The following TRABD2B variants were observed in gnomAD, a reference collection of about 807,000 sequenced individuals.
TRABD2B encodes TraB domain containing 2B, also known as metalloprotease TIKI2.
Under a neutral mutation model 40.1 loss-of-function variants are expected in TRABD2B, and 14 were observed. The observed-to-expected ratio is 0.35, with a 90% CI of 0.23 to 0.55. The LOEUF (loss-of-function observed/expected upper bound fraction) is 0.55. Among genes scored for constraint, TRABD2B ranks in the 20% least tolerant of loss-of-function variants. The pLI is 0.90. For synonymous variants in TRABD2B, 263 were observed against 277.0 expected, an observed-to-expected ratio of 0.95 and a Z score of 0.50; for missense variants, 541 against 648.6, an observed-to-expected ratio of 0.83 and a Z score of 1.80.
chr1:47,789,318 T>C (rs949045426), intron 4 of TRABD2B, among the ~76,000 whole-genome samples: 1 of 152,148 alleles, frequency 6.6e-6, no homozygotes, highest in Non-Finnish European at 1.5e-5. Flanking sequence ...TGGGCCCTCA[T>C]TGCAGTCAGC....
At chr1:47,895,802 TGAG>T (rs1379964412) in intron 2 of TRABD2B, among the ~76,000 whole-genome samples, 1 of 152,234 alleles carries the variant, frequency 6.6e-6, no homozygotes, top group Non-Finnish European at 1.5e-5. Context: ...GTCGCACTGC[TGAG>T]GAGGGAGGGG....
intron 2 of TRABD2B, among the ~76,000 whole-genome samples, chr1:47,857,492 G>A (rs141678017): frequency 8.1e-4 from 123 of 152,230 alleles, no homozygotes; most frequent in Non-Finnish European, 8.4e-4. Flanking sequence ...CCCTGATCCC[G>A]TGAGCAAGGG....
intron 4 of TRABD2B, among the ~76,000 whole-genome samples, chr1:47,782,762 G>A (rs1205307643): frequency 6.6e-6 from 1 of 152,144 alleles, no homozygotes; most frequent in African/African-American, 2.4e-5. Context: ...CAGGAACCAT[G>A]CTTGCCTCCA....
rs116779366 is a variant in TRABD2B at position 47,946,646 on chromosome 1, T to C, written c.666+47388A>G. ...TGGATTTGAATGACTAATAATTTTG[T>C]TGAGAGTTTTTGCATCAATTTAATG... On this transcript the variant is annotated intron_variant, in intron 2 of 6. Coordinates refer to ENST00000606738, the MANE Select transcript of TRABD2B (RefSeq NM_001194986.2). 3.7e-3 allele frequency among the ~76,000 whole-genome samples: 562 copies of C among 152,308 alleles called. 6 individuals are homozygous for C. Among genetic ancestry groups the C allele is most frequent in the African/African-American group, 0.012 (518 of 41,570 alleles).
chr1:47,769,895 G>A (rs12039958), intron 6 of TRABD2B, among the ~76,000 whole-genome samples: 76,881 of 152,074 alleles, frequency 0.51, 19,914 homozygotes, highest in East Asian at 0.89. Flanking sequence ...GAACAGACCC[G>A]TGGACTTTAA....
rs1222183690 is a variant in TRABD2B, at chr1:47,761,202, T to G, written c.*4700A>C. On this transcript the variant is annotated 3_prime_UTR_variant, in exon 7 of 7. Transcript: ENST00000606738. ...ACTTGCCCAAGGTCATCCAGCAAAG[T>G]GAAGGAGTATCCAGAGTATCTCCGG... 6.6e-6 allele frequency: 1 copy of G among 152,290 alleles called. No homozygotes were observed. The highest frequency in any genetic ancestry group is 6.5e-5 in the Admixed American group (1 of 15,280). 9.4% of individuals were successfully genotyped at this position (152,290 alleles called of 1,614,324 possible).
Position 47,794,729 on chromosome 1 carries a change from G to C in TRABD2B, c.845C>G (p.Pro282Arg). The change falls in exon 4 of 7, where the codon CCA (proline) becomes CGA (arginine). Residue 282 changes from proline (P) to arginine (R), a missense_variant. Physicochemically the swap from Pro to Arg is moderately radical, Grantham distance 103. Around this residue, in one of 2 missense-constraint regions of TRABD2B, gnomAD observed 369 missense variants for 492.8 expected, o/e 0.75. Coordinates refer to ENST00000606738, the MANE Select transcript of TRABD2B (RefSeq NM_001194986.2). Reference protein sequence around the residue: ...LPNFINTTLPPHEQVTAQEID... With the variant: ...LPNFINTTLPRHEQVTAQEID... ...CTCCTGGGCCGTCACCTGCTCGTGTGGCGGGAGGGTGGTGTTGATAAAGTT... is the reference window on the plus strand; with the variant it reads ...CTCCTGGGCCGTCACCTGCTCGTGTCGCGGGAGGGTGGTGTTGATAAAGTT... 6.5e-7 allele frequency: 1 copy of C among 1,535,448 alleles called. No homozygotes were observed. Among genetic ancestry groups the C allele is most frequent in the Non-Finnish European group, 8.7e-7 (1 of 1,146,448 alleles).
chr1:47,982,379 C>T (rs548403555), intron 2 of TRABD2B, among the ~76,000 whole-genome samples: 38 of 152,296 alleles, frequency 2.5e-4, no homozygotes, highest in Middle Eastern at 6.8e-3. Context: ...TATGCATTAT[C>T]TCATTTATGC....
At chr1:47,778,619 C>A in intron 4 of TRABD2B, 75 bp from the exon 5 acceptor site, 1 of 1,108,912 alleles carries the variant, frequency 9.0e-7, no homozygotes, top group South Asian at 1.3e-5. Flanking sequence ...CAGGCCATCC[C>A]CTAAGTTTGT....
Position 47,994,301 on chromosome 1 carries a change from G to A in TRABD2B, c.399C>T (p.Pro133=), listed in dbSNP as rs1382747277. 6.5e-7 allele frequency: 1 copy of A among 1,536,436 alleles called. No individual in the cohort carries two copies. The highest frequency in any genetic ancestry group is 8.7e-7 in the Non-Finnish European group (1 of 1,146,966). The change falls in exon 2 of 7, where the codon CCC becomes CCT. Residue 133 remains proline (P), a synonymous_variant. Transcript: ENST00000606738. The surrounding 1 kb of genome is among the most constrained non-coding windows in gnomAD (Gnocchi z 6.7). ...RHLDYVKLMM[P]SWMTPAQRGK... is the part of the protein sequence containing the mutation. ...CCCGCTGAGCGGGCGTCATCCAGGA[G>A]GGCATCATCAACTTCACGTAGTCCA... is the stretch of plus-strand genomic sequence containing the variant.
chr1:47,794,230 T>C (rs1416599057), intron 4 of TRABD2B, among the ~76,000 whole-genome samples: 2 of 152,196 alleles, frequency 1.3e-5, no homozygotes, highest in African/African-American at 4.8e-5. Flanking sequence ...GGGCCACATG[T>C]GCTTCACAGC....
intron 2 of TRABD2B, among the ~76,000 whole-genome samples, chr1:47,811,531 C>T (rs560576140): frequency 6.6e-6 from 1 of 152,318 alleles, no homozygotes; most frequent in African/African-American, 2.4e-5. Context: ...CTCTGTCCTT[C>T]AAGTCATGCC....
intron 2 of TRABD2B, among the ~76,000 whole-genome samples, chr1:47,871,831 C>T (rs1182293885): frequency 6.6e-6 from 1 of 152,204 alleles, no homozygotes; most frequent in Non-Finnish European, 1.5e-5. Flanking sequence ...TAGCTCTCTA[C>T]ACCAGCAACA....
chr1:47,935,095 C>T lies in TRABD2B; in HGVS notation c.666+58939G>A, dbSNP rs545047095. On this transcript the variant is annotated intron_variant, in intron 2 of 6. Transcript: ENST00000606738. ...CCACAGCCTCCCACCCGCAGGTAGA[C>T]AAGTAGTCTCTACTCCCTGTAAATC... Among the ~76,000 whole-genome samples the T allele has an allele frequency of 3.3e-5, 5 of 152,294 alleles. No individual in the cohort carries two copies. In the East Asian group the frequency reaches 7.7e-4, roughly 24 times the overall value.
intron 2 of TRABD2B, among the ~76,000 whole-genome samples, chr1:47,991,606 TG>T (rs1355879639): frequency 7.9e-6 from 1 of 126,572 alleles, no homozygotes; most frequent in African/African-American, 3.2e-5. Flanking sequence ...AGCAAAATTA[TG>T]GTTATTTCTG....
At chr1:47,909,835 TC>T (rs1412867664) in intron 2 of TRABD2B, among the ~76,000 whole-genome samples, 346 of 13,526 alleles carry the variant, frequency 0.026, 18 homozygotes, top group African/African-American at 0.097. Context: ...TTTCTTGCTT[TC>T]TTTCTTTCTT....
intron 2 of TRABD2B, among the ~76,000 whole-genome samples, chr1:47,889,889 T>C (rs1338532658): frequency 6.6e-6 from 1 of 151,580 alleles, no homozygotes. Context: ...CAGTGTAGAT[T>C]ACATGGGTCA....
intron 2 of TRABD2B, among the ~76,000 whole-genome samples, chr1:47,953,055 C>T (rs1457835844): frequency 6.6e-6 from 1 of 150,876 alleles, no homozygotes; most frequent in African/African-American, 2.5e-5. Flanking sequence ...TCCCTAGCTA[C>T]CATTAGGGGA....
chr1:47,872,294 T>A (rs11211622), intron 2 of TRABD2B, among the ~76,000 whole-genome samples: 48,558 of 152,034 alleles, frequency 0.32, 8,089 homozygotes, highest in Non-Finnish European at 0.37. Context: ...GGCTTGCAAG[T>A]CTGGCTGTTG....
Sources: allele counts gnomAD v4.1 joint callset (sites outside exome capture counted in the v4.1 genomes callset), GRCh38; gene constraint gnomAD v4.1.1; regional missense constraint gnomAD v4.1.1; non-coding constraint Gnocchi (gnomAD v3.1); transcripts MANE v1.5; gene names NCBI Gene and HGNC (gene_info 2026-07-23, HGNC 2026-07-21).